Variants in RIDA observed in about 807,000 individuals in gnomAD.
RIDA encodes 2-iminobutanoate/2-iminopropanoate deaminase.
A neutral mutation model predicts 17.8 loss-of-function variants in RIDA; 17 were observed. That is an observed-to-expected ratio of 0.96 (90% CI 0.65 to 1.43). RIDA has a LOEUF of 1.43. Ranked by LOEUF, RIDA falls within the 40% of genes most tolerant of loss-of-function variation. The pLI is 0.00. For synonymous variants in RIDA, 48 were observed against 55.7 expected (o/e 0.86, Z 0.62); for missense variants, 158 against 161.7 (o/e 0.98, Z 0.12).
Position 98,102,608 on chromosome 8 carries a change from C to T in RIDA, c.*234G>A, listed in dbSNP as rs938695301. The T allele has an allele frequency of 3.1e-5, 11 of 356,278 alleles. No individual in the cohort carries two copies. The highest frequency in any genetic ancestry group is 2.2e-4 in the Admixed American group (5 of 23,228). 22.1% of individuals were successfully genotyped at this position (356,278 alleles called of 1,614,324 possible). On this transcript the variant is annotated 3_prime_UTR_variant, in exon 6 of 6. Transcript: ENST00000254878. ...GTAACTATGTAATGGGTATCTCTTT[C>T]CTATATTCAGTAATACAGGTGCACA...
At chr8:98,107,906 A>T (rs149673769) in intron 2 of RIDA, among the ~76,000 whole-genome samples, 1,672 of 152,214 alleles carry the variant, frequency 0.011, 29 homozygotes, top group African/African-American at 0.038. Flanking sequence ...AGTAGCTGGG[A>T]CTACAGGCAC....
intron 1 of RIDA, among the ~76,000 whole-genome samples, chr8:98,115,388 CAAAAAAAA>C (rs766262204): frequency 2.4e-5 from 1 of 41,136 alleles, no homozygotes. Context: ...ACTCTGCCTC[CAAAAAAAA>C]AAAAAAAAAA....
Position 98,116,300 on chromosome 8 carries a change from T to C in RIDA, c.65+732A>G, listed in dbSNP as rs77850351. On this transcript the variant is annotated intron_variant, in intron 1 of 5. Coordinates refer to ENST00000254878, the MANE Select transcript of RIDA (RefSeq NM_005836.3). Reference sequence around the variant, plus strand: ...GCCCTCTCACTTCTACTGCATTTTATTTATTTCCAAGTTTTCTATAATAAT... The same window carrying C: ...GCCCTCTCACTTCTACTGCATTTTACTTATTTCCAAGTTTTCTATAATAAT... Among the ~76,000 whole-genome samples the C allele has an allele frequency of 6.7e-3, 1,027 of 152,368 alleles. 26 individuals are homozygous for C. The highest frequency in any genetic ancestry group is 0.055 in the East Asian group (287 of 5,190).
At chr8:98,107,971 T>C (rs906918989) in intron 2 of RIDA, among the ~76,000 whole-genome samples, 2 of 152,178 alleles carry the variant, frequency 1.3e-5, no homozygotes, top group African/African-American at 4.8e-5. Flanking sequence ...GGTTTCACCA[T>C]GTTGGCCAGG....
intron 1 of RIDA, among the ~76,000 whole-genome samples, chr8:98,110,476 T>C (rs543119737): frequency 4.2e-4 from 64 of 152,240 alleles, no homozygotes; most frequent in African/African-American, 1.1e-3. Context: ...GCCAGGCTGG[T>C]CTTGAACTCC....
At chr8:98,116,902 G>C in intron 1 of RIDA, 130 bp downstream of exon 1, 1 of 723,916 alleles carries the variant, frequency 1.4e-6, no homozygotes, top group African/African-American at 1.8e-5. Flanking sequence ...TGGGTCTTCG[G>C]GCGCGTTGCT....
chr8:98,111,600 T>C (rs1431296806), intron 1 of RIDA, among the ~76,000 whole-genome samples: 3 of 148,774 alleles, frequency 2.0e-5, no homozygotes, highest in Non-Finnish European at 4.5e-5. Flanking sequence ...AGCAAGACTC[T>C]GTGTCAAAAA....
intron 1 of RIDA, among the ~76,000 whole-genome samples, chr8:98,109,390 A>C (rs2130553004): frequency 6.6e-6 from 1 of 152,288 alleles, no homozygotes; most frequent in East Asian, 1.9e-4. Flanking sequence ...AAAGAGTTAG[A>C]GTACATGAAA....
At chr8:98,107,586 AG>A (rs1373004463) in intron 2 of RIDA, among the ~76,000 whole-genome samples, 2 of 152,122 alleles carry the variant, frequency 1.3e-5, no homozygotes, top group Non-Finnish European at 2.9e-5. Flanking sequence ...AGTAAATTAT[AG>A]TTTATTGTTT....
At chr8:98,108,607 T>C (rs1238052995) in intron 2 of RIDA, 39 bp downstream of exon 2, 4 of 1,215,048 alleles carry the variant, frequency 3.3e-6, no homozygotes, top group Non-Finnish European at 4.9e-6. Context: ...ATTAAAAAGG[T>C]AGTAGAAAAG....
intron 2 of RIDA, among the ~76,000 whole-genome samples, chr8:98,107,340 C>T (rs748501682): frequency 2.0e-5 from 3 of 151,944 alleles, no homozygotes; most frequent in Admixed American, 6.6e-5. Flanking sequence ...CTGGCTAGCA[C>T]GGTAAAACCC....
At chr8:98,112,153 C>A (rs140439035) in intron 1 of RIDA, among the ~76,000 whole-genome samples, 2 of 150,376 alleles carry the variant, frequency 1.3e-5, no homozygotes, top group Non-Finnish European at 3.0e-5. Flanking sequence ...AATGAGTCAC[C>A]ATTGCTTCTG....
At chr8:98,113,126 C>A (rs1426688881) in intron 1 of RIDA, among the ~76,000 whole-genome samples, 1 of 152,206 alleles carries the variant, frequency 6.6e-6, no homozygotes, top group Admixed American at 6.5e-5. Context: ...CTATACCACA[C>A]GGGCTACTGC....
At chr8:98,108,863 G>T in intron 1 of RIDA, 112 bp from the exon 2 acceptor site, 1 of 614,808 alleles carries the variant, frequency 1.6e-6, no homozygotes. Context: ...AAAAAAAACA[G>T]ATACATTGGA....
Position 98,102,764 on chromosome 8 carries a change from A to T in RIDA, c.*78T>A. 1.0e-6 allele frequency: 1 copy of T among 980,722 alleles called. No homozygotes were observed. The highest frequency in any genetic ancestry group is 1.5e-6 in the Non-Finnish European group (1 of 652,410). 60.8% of individuals were successfully genotyped at this position (980,722 alleles called of 1,614,324 possible). On this transcript the variant is annotated 3_prime_UTR_variant, in exon 6 of 6. Transcript: ENST00000254878. Reference sequence around the variant, plus strand: ...CACACTGTCATCAATTGTGAAAATTAAAAGGTTAATTAAGATGTTACATCA... The same window carrying T: ...CACACTGTCATCAATTGTGAAAATTTAAAGGTTAATTAAGATGTTACATCA...
intron 1 of RIDA, among the ~76,000 whole-genome samples, chr8:98,109,866 C>G (rs992867618): frequency 6.6e-6 from 1 of 152,198 alleles, no homozygotes; most frequent in African/African-American, 2.4e-5. Context: ...ATCCTCCTGC[C>G]TTGGCCTCCC....
At chr8:98,108,078 C>A (rs1043647730) in intron 2 of RIDA, among the ~76,000 whole-genome samples, 1 of 150,940 alleles carries the variant, frequency 6.6e-6, no homozygotes, top group Non-Finnish European at 1.5e-5. Flanking sequence ...CCTCCCCCAA[C>A]TAATTTTTGT....
At chr8:98,111,337 G>C (rs1336814194) in intron 1 of RIDA, among the ~76,000 whole-genome samples, 1 of 152,176 alleles carries the variant, frequency 6.6e-6, no homozygotes, top group African/African-American at 2.4e-5. Context: ...GCAGGGCATG[G>C]TGGCTCATGC....
chr8:98,106,002 C>T lies in RIDA; in HGVS notation c.231G>A (p.Val77=). 1.3e-6 allele frequency: 2 copies of T among 1,599,118 alleles called. No individual in the cohort carries two copies. The highest frequency in any genetic ancestry group is 1.1e-5 in the South Asian group (1 of 90,772). ...TGTCAGCCAGAAGAACAGTTGTTTT[C>T]ACCACTAGAAGATATAAACATTGTC... ...KAAGCDFTNV[V]KTTVLLADIN... Residue 77 remains valine (V), a synonymous_variant, in exon 4 of 6, where the codon GTG becomes GTA. Coordinates refer to ENST00000254878, the MANE Select transcript of RIDA (RefSeq NM_005836.3).
Sources: gnomAD v4.1 joint callset for allele counts (sites outside exome capture counted in the v4.1 genomes callset) on GRCh38, gnomAD v4.1.1 for gene constraint, MANE v1.5 for transcripts, NCBI Gene and HGNC (gene_info 2026-07-23, HGNC 2026-07-21) for gene names.